The following TEK variants were observed in gnomAD, a reference collection of about 807,000 sequenced individuals.
The protein encoded by TEK is TEK receptor tyrosine kinase.
A neutral mutation model predicts 131.8 loss-of-function variants in TEK; 43 were observed. That is an observed-to-expected ratio of 0.33 (90% confidence interval 0.26 to 0.42). The LOEUF is 0.42. TEK is among the 10% of genes least tolerant of loss of function. TEK has a pLI of 1.00. For synonymous variants in TEK, 580 were observed against 491.6 expected (o/e 1.18, Z -2.38); for missense variants, 1,162 against 1,384.4 (o/e 0.84, Z 2.55).
chr9:27,224,195 G>A (rs1826210322), intron 21 of TEK, among the ~76,000 whole-genome samples: 1 of 152,154 alleles, frequency 6.6e-6, no homozygotes, highest in Non-Finnish European at 1.5e-5. Context: ...AAGAGGAGCT[G>A]GTACCATTCC....
chr9:27,208,979 A>G lies in TEK; in HGVS notation c.2576-142A>G, dbSNP rs146890563. 3 of 693,468 alleles carry G rather than the reference A, an allele frequency of 4.3e-6. No homozygotes were observed. The African/African-American group carries it at 5.3e-5, about 12-fold the overall frequency. 43.0% of individuals were successfully genotyped at this position (693,468 alleles called of 1,614,324 possible). A position where few individuals can be genotyped will look rare whatever the true frequency, so the allele number is the denominator to read the frequency against. On this transcript the variant is annotated intron_variant, in intron 15 of 22. Transcript: ENST00000380036. ...GTGTCAATAGTGCCAAGGCCGAGAA[A>G]CTCTACTTTAGAGTAATCTCTTTGG...
chr9:27,137,669 ATCT>A (rs1490172469), intron 1 of TEK, among the ~76,000 whole-genome samples: 7 of 119,298 alleles, frequency 5.9e-5, no homozygotes, highest in South Asian at 2.3e-4. Flanking sequence ...TGATTAAAGC[ATCT>A]TCTTAACAAG....
intron 16 of TEK, among the ~76,000 whole-genome samples, chr9:27,212,215 A>G (rs10812534): frequency 0.33 from 50,326 of 152,010 alleles, 9,279 homozygotes; most frequent in East Asian, 0.58. Flanking sequence ...AGGAGAGACA[A>G]TTACCTGTTG....
chr9:27,227,589 CTG>C (rs1423474680), intron 21 of TEK, among the ~76,000 whole-genome samples: 1 of 152,188 alleles, frequency 6.6e-6, no homozygotes, highest in Non-Finnish European at 1.5e-5. Flanking sequence ...CATCTTTCTG[CTG>C]TGTCCTCACG....
intron 1 of TEK, among the ~76,000 whole-genome samples, chr9:27,121,426 G>A (rs1821784515): frequency 6.6e-6 from 1 of 151,012 alleles, no homozygotes; most frequent in Admixed American, 6.6e-5. Context: ...CCTGCAAGAT[G>A]ATTTGTATAT....
intron 1 of TEK, among the ~76,000 whole-genome samples, chr9:27,149,771 G>T (rs1823057015): frequency 1.3e-5 from 2 of 152,286 alleles, no homozygotes; most frequent in Middle Eastern, 3.4e-3. Context: ...GTGGGTGTGG[G>T]TATGTACGTC....
chr9:27,215,869 G>A lies in TEK; in HGVS notation c.2992-1819G>A, dbSNP rs188981590. Among the ~76,000 whole-genome samples the A allele has an allele frequency of 3.3e-3, 498 of 152,288 alleles. 2 individuals are homozygous for A. The highest frequency in any genetic ancestry group is 5.1e-3 in the Non-Finnish European group (344 of 68,026). ...AAGGTGCACTGAACCAAGCTGAAAGGAAGTTAAGGAGGGCTTCCTGGAGGA... is the reference window on the plus strand; with the variant it reads ...AAGGTGCACTGAACCAAGCTGAAAGAAAGTTAAGGAGGGCTTCCTGGAGGA... On this transcript the variant is annotated intron_variant, in intron 18 of 22. Coordinates refer to ENST00000380036, the MANE Select transcript of TEK (RefSeq NM_000459.5).
chr9:27,140,350 C>A (rs540477249), intron 1 of TEK, among the ~76,000 whole-genome samples: 142 of 150,184 alleles, frequency 9.5e-4, no homozygotes, highest in African/African-American at 3.3e-3. Flanking sequence ...CTGGTTCTCA[C>A]CCAAAGAAAC....
chr9:27,224,775 A>G, intron 21 of TEK, among the ~76,000 whole-genome samples: 1 of 150,440 alleles, frequency 6.6e-6, no homozygotes, highest in East Asian at 2.0e-4. Flanking sequence ...GGCAAGAGAA[A>G]GAAAGAAAGG....
intron 19 of TEK, among the ~76,000 whole-genome samples, chr9:27,218,130 T>TTGTGGG (rs9298888): frequency 1.6e-4 from 23 of 139,628 alleles, no homozygotes; most frequent in Non-Finnish European, 1.1e-4. Flanking sequence ...GGCCAGACAG[T>TTGTGGG]GGCGGGGGTC....
In TEK at chr9:27,213,526, G is replaced by T; in HGVS notation, c.2920G>T (p.Glu974Ter). 1 of 1,614,076 alleles carries T rather than the reference G, an allele frequency of 6.2e-7. No individual in the cohort carries two copies. Among genetic ancestry groups the T allele is most frequent in the South Asian group, 1.1e-5 (1 of 91,072 alleles). The change falls in exon 18 of 23, where the codon GAA becomes TAA. Residue 974 changes from glutamate to a stop codon, truncating the protein, a stop_gained. Coordinates refer to ENST00000380036, the MANE Select transcript of TEK (RefSeq NM_000459.5). LOFTEE classifies it high-confidence loss of function. ...DLAARNILVG[E>*]NYVAKIADFG... ...GGCTGCCAGAAACATTTTAGTTGGT[G>T]AAAACTATGTGGCAAAAATAGCAGA...
chr9:27,150,558 C>T (rs1823087438), intron 1 of TEK, among the ~76,000 whole-genome samples: 1 of 152,226 alleles, frequency 6.6e-6, no homozygotes, highest in East Asian at 1.9e-4. Flanking sequence ...CTGCAGTGAG[C>T]AGTGACTGTG....
chr9:27,204,886 G>A lies in TEK; in HGVS notation c.2210-25G>A, dbSNP rs371162913. 11 of 1,613,174 alleles carry A rather than the reference G, an allele frequency of 6.8e-6. No individual in the cohort carries two copies. In the African/African-American group the frequency reaches 1.5e-4, roughly 22 times the overall value. ...TTTCTCTATGTAAACTAAACTACCT[G>A]CTTCACCTCTGTCTTCCTGCACAGC... is the stretch of plus-strand genomic sequence containing the variant. On this transcript the variant is annotated intron_variant, in intron 13 of 22. Transcript: ENST00000380036.
intron 1 of TEK, among the ~76,000 whole-genome samples, chr9:27,117,095 G>A (rs1170175281): frequency 6.6e-6 from 1 of 151,884 alleles, no homozygotes; most frequent in Non-Finnish European, 1.5e-5. Context: ...TCGATCTCCT[G>A]ACCTAGTGAT....
At chr9:27,183,185 A>G (rs1463557626) in intron 7 of TEK, among the ~76,000 whole-genome samples, 4 of 152,244 alleles carry the variant, frequency 2.6e-5, no homozygotes, top group Admixed American at 2.6e-4. Context: ...TCCCTGGTCC[A>G]TGAAAGGAGC....
intron 12 of TEK, among the ~76,000 whole-genome samples, chr9:27,198,122 G>T (rs1034605777): frequency 2.0e-5 from 3 of 152,090 alleles, no homozygotes; most frequent in African/African-American, 7.2e-5. Context: ...AAATTAATGG[G>T]AATTTCTTGG....
intron 21 of TEK, among the ~76,000 whole-genome samples, chr9:27,220,988 T>G (rs1267962677): frequency 4.6e-5 from 7 of 152,180 alleles, no homozygotes; most frequent in African/African-American, 1.7e-4. Context: ...TCTAGCTCAG[T>G]GGAGCCCATC....
At chr9:27,193,433 CAT>C (rs751643140) in intron 11 of TEK, among the ~76,000 whole-genome samples, 3 of 152,150 alleles carry the variant, frequency 2.0e-5, no homozygotes, top group East Asian at 1.9e-4. Context: ...TTCTAGATAA[CAT>C]GTGTAAAATT....
chr9:27,179,627 C>T (rs1233595011), intron 6 of TEK, among the ~76,000 whole-genome samples: 1 of 152,182 alleles, frequency 6.6e-6, no homozygotes, highest in Non-Finnish European at 1.5e-5. Flanking sequence ...ACCTCAAACT[C>T]TCACTGTTAG....
Sources: allele counts gnomAD v4.1 joint callset (sites outside exome capture counted in the v4.1 genomes callset), GRCh38; gene constraint gnomAD v4.1.1; transcripts MANE v1.5; gene names NCBI Gene and HGNC (gene_info 2026-07-23, HGNC 2026-07-21).